The following ADGRV1 variants were observed in gnomAD, a reference collection of about 807,000 sequenced individuals.
ADGRV1 encodes G-protein coupled receptor 98.
Under a neutral mutation model 596.2 loss-of-function variants are expected in ADGRV1, and 359 were observed. That is an observed-to-expected ratio of 0.60 (90% CI 0.55 to 0.66). ADGRV1 has a LOEUF of 0.66. Ranked by LOEUF, ADGRV1 falls within the 30% of genes least tolerant of loss-of-function variation. The pLI is 0.00. For synonymous variants in ADGRV1, 2,681 were observed against 2,679.2 expected, an observed-to-expected ratio of 1.00 and a Z score of -0.02; for missense variants, 7,274 against 7,575.6, an observed-to-expected ratio of 0.96 and a Z score of 1.48.
At chr5:91,107,411 TGTTTC>T (rs1791980714) in intron 87 of ADGRV1, among the ~76,000 whole-genome samples, 2 of 149,800 alleles carry the variant, frequency 1.3e-5, no homozygotes, top group Non-Finnish European at 3.0e-5. Context: ...GGAGTAGGAA[TGTTTC>T]GTTTTGTTTT....
chr5:90,656,828 A>G (rs1472314884), intron 20 of ADGRV1, among the ~76,000 whole-genome samples: 1 of 152,188 alleles, frequency 6.6e-6, no homozygotes, highest in Non-Finnish European at 1.5e-5. Flanking sequence ...TAGAGTACGA[A>G]CAGGTAAAGA....
intron 74 of ADGRV1, among the ~76,000 whole-genome samples, chr5:90,814,513 G>A (rs765949691): frequency 6.6e-5 from 10 of 152,126 alleles, no homozygotes; most frequent in Non-Finnish European, 1.5e-4. Flanking sequence ...TCAAGGGTGG[G>A]ATCTGGTGGG....
At chr5:91,163,288 A>C (rs1797105282) in intron 89 of ADGRV1, among the ~76,000 whole-genome samples, 1 of 152,190 alleles carries the variant, frequency 6.6e-6, no homozygotes, top group Admixed American at 6.5e-5. Context: ...CAATGTCTTC[A>C]GGGCACTGGT....
chr5:90,691,469 A>G lies in ADGRV1; in HGVS notation c.6951+428A>G, dbSNP rs142046753. On this transcript the variant is annotated intron_variant, in intron 31 of 89. Coordinates refer to ENST00000405460, the MANE Select transcript of ADGRV1 (RefSeq NM_032119.4). ...GCATGATCTTGGCTCACTGCAACCTATGCTTCCTGGGTTTAAGGGATTCTC... is the reference window on the plus strand; with the variant it reads ...GCATGATCTTGGCTCACTGCAACCTGTGCTTCCTGGGTTTAAGGGATTCTC... Among the ~76,000 whole-genome samples the G allele has an allele frequency of 5.0e-3, 725 of 144,710 alleles. 2 individuals are homozygous for G. The highest frequency in any genetic ancestry group is 8.0e-3 in the Non-Finnish European group (536 of 67,032). The allele number at this position is 144,710 out of a possible 152,430, so 94.9% of individuals were successfully genotyped here.
At chr5:90,726,361 T>C (rs997156478) in intron 48 of ADGRV1, among the ~76,000 whole-genome samples, 1 of 152,192 alleles carries the variant, frequency 6.6e-6, no homozygotes, top group Non-Finnish European at 1.5e-5. Flanking sequence ...ATGTTCTAGC[T>C]TCACCCAGCT....
At chr5:90,943,032 T>G (rs1272541462) in intron 83 of ADGRV1, among the ~76,000 whole-genome samples, 1 of 152,174 alleles carries the variant, frequency 6.6e-6, no homozygotes, top group Non-Finnish European at 1.5e-5. Flanking sequence ...ATCAGCAAGA[T>G]TTGATGACTG....
At chr5:91,031,247 G>T in intron 85 of ADGRV1, 3 of 1,588,540 alleles carry the variant, frequency 1.9e-6, no homozygotes, top group South Asian at 1.1e-5. Context: ...TCCTCAGGTT[G>T]CTGTTGAATG....
intron 83 of ADGRV1, among the ~76,000 whole-genome samples, chr5:90,908,532 T>G (rs1772537022): frequency 6.6e-6 from 1 of 152,246 alleles, no homozygotes; most frequent in Non-Finnish European, 1.5e-5. Context: ...ATTCTTCATA[T>G]TTCACATATG....
At chr5:90,978,041 A>C (rs1465763838) in intron 84 of ADGRV1, among the ~76,000 whole-genome samples, 1 of 152,136 alleles carries the variant, frequency 6.6e-6, no homozygotes, top group Non-Finnish European at 1.5e-5. Flanking sequence ...TCAAGCCTGT[A>C]ATCCAAGCAC....
chr5:90,734,981 G>T (rs1753034100), intron 50 of ADGRV1, among the ~76,000 whole-genome samples: 1 of 152,144 alleles, frequency 6.6e-6, no homozygotes, highest in Admixed American at 6.5e-5. Context: ...CATTCTTTGG[G>T]TTGTCCCTTC....
At position 90,840,924 on chromosome 5, in the gene ADGRV1, T is replaced by C. The variant is rs2150360227; in HGVS notation, c.16958T>C (p.Met5653Thr). Residue 5653 changes from methionine to threonine, a missense_variant, in exon 78 of 90, where the codon ATG becomes ACG. Met to Thr is a moderately conservative substitution (Grantham distance 81). Coordinates refer to ENST00000405460, the MANE Select transcript of ADGRV1 (RefSeq NM_032119.4). ...ILNRVLHTIS[M>T]KVATENTDEQ... is the part of the protein sequence containing the mutation. Reference sequence around the variant, plus strand: ...AACAGAGTGCTCCATACCATCAGCATGAAAGTGGCCACAGAAAACACAGAT... The same window carrying C: ...AACAGAGTGCTCCATACCATCAGCACGAAAGTGGCCACAGAAAACACAGAT... The C allele has an allele frequency of 6.6e-7, 1 of 1,519,114 alleles. No individual in the cohort carries two copies. The highest frequency in any genetic ancestry group is 1.4e-5 in the South Asian group (1 of 71,752). The allele number at this position is 1,519,114 out of a possible 1,614,324, so 94.1% of individuals were successfully genotyped here. A position where few individuals can be genotyped will look rare whatever the true frequency, so the allele number is the denominator to read the frequency against.
At chr5:91,100,284 T>A (rs1211199394) in intron 86 of ADGRV1, among the ~76,000 whole-genome samples, 1 of 151,958 alleles carries the variant, frequency 6.6e-6, no homozygotes, top group Non-Finnish European at 1.5e-5. Flanking sequence ...TAAGTGGGCG[T>A]GGTGGCATGC....
At chr5:90,592,678 A>C (rs138650180) in intron 1 of ADGRV1, among the ~76,000 whole-genome samples, 1 of 152,188 alleles carries the variant, frequency 6.6e-6, no homozygotes, top group Admixed American at 6.5e-5. Context: ...GAATGGGAGA[A>C]AATTTTTGCA....
rs755793872 is a variant in ADGRV1, at chr5:90,720,227, T to C, written c.9623+4T>C. 6.6e-7 allele frequency: 1 copy of C among 1,515,394 alleles called. No individual in the cohort carries two copies. Among genetic ancestry groups the C allele is most frequent in the South Asian group, 1.3e-5 (1 of 75,244 alleles). The allele number at this position is 1,515,394 out of a possible 1,614,324, so 93.9% of individuals were successfully genotyped here. The stretch of plus-strand genomic sequence containing the variant: ...GTATCTCTGCAGTTGAAAATAGGTA[T>C]AGTTTATTCATAAGGAAATTATCAC... On this transcript the variant is annotated splice_donor_region_variant and intron_variant, in intron 44 of 89. Coordinates refer to ENST00000405460, the MANE Select transcript of ADGRV1 (RefSeq NM_032119.4).
rs758132314 is a variant in ADGRV1, at chr5:90,625,087, A to T, written c.559-43A>T. 11 of 1,135,290 alleles carry T rather than the reference A, an allele frequency of 9.7e-6. No individual in the cohort carries two copies. In the South Asian group the frequency reaches 1.3e-4, roughly 14 times the overall value. 70.3% of individuals were successfully genotyped at this position (1,135,290 alleles called of 1,614,324 possible). A position where few individuals can be genotyped will look rare whatever the true frequency, so the allele number is the denominator to read the frequency against. ...ACAATGATGCTTTCTCAGTCTTGTG[A>T]AGTATTTTGCATTTATTGATGGCAT... On this transcript the variant is annotated intron_variant, in intron 5 of 89. Coordinates refer to ENST00000405460, the MANE Select transcript of ADGRV1 (RefSeq NM_032119.4).
chr5:90,585,650 A>G (rs1580353768), intron 1 of ADGRV1, among the ~76,000 whole-genome samples: 1 of 152,318 alleles, frequency 6.6e-6, no homozygotes, highest in Middle Eastern at 3.4e-3. Context: ...GTACATTGCT[A>G]TGGGCATATT....
At chr5:90,763,122 G>T in intron 58 of ADGRV1, 183 bp from the exon 59 acceptor site, 1 of 504,844 alleles carries the variant, frequency 2.0e-6, no homozygotes, top group Non-Finnish European at 3.5e-6. Flanking sequence ...ATGCCAACTA[G>T]TTGAGCATCT....
Position 90,807,693 on chromosome 5 carries a change from C to G in ADGRV1, c.14928C>G (p.His4976Gln). ...GTTGGCCAGAGGCCTTTGTTCTTCA[C>G]CTATCAGGAGTGCAGAGCAGTGCTC... ...SPGWPEAFVL[H>Q]LSGVQSSAPG... is the part of the protein sequence containing the mutation. The change falls in exon 73 of 90, where the codon CAC becomes CAG. Residue 4976 changes from histidine (H) to glutamine (Q), a missense_variant. By Grantham distance (24) the His-to-Gln change is conservative (BLOSUM62 0). Around this residue, in one of 5 missense-constraint regions of ADGRV1, gnomAD observed 1,874 missense variants for 1,970.2 expected, o/e 0.95. Transcript: ENST00000405460. The G allele has an allele frequency of 6.2e-7, 1 of 1,610,570 alleles. No homozygotes were observed. Among genetic ancestry groups the G allele is most frequent in the Non-Finnish European group, 8.5e-7 (1 of 1,177,402 alleles).
chr5:90,579,068 T>C (rs1757617828), intron 1 of ADGRV1, among the ~76,000 whole-genome samples: 1 of 152,218 alleles, frequency 6.6e-6, no homozygotes, highest in African/African-American at 2.4e-5. Flanking sequence ...CCTGGATTCA[T>C]TGATTTTTTT....
Sources: allele counts gnomAD v4.1 joint callset (sites outside exome capture counted in the v4.1 genomes callset), GRCh38; gene constraint gnomAD v4.1.1; regional missense constraint gnomAD v4.1.1; transcripts MANE v1.5; gene names NCBI Gene and HGNC (gene_info 2026-07-23, HGNC 2026-07-21).